Variants in MAP1B observed in about 807,000 individuals in gnomAD.
The protein encoded by MAP1B is microtubule-associated protein 1B.
In MAP1B, 12 loss-of-function variants were observed where a neutral mutation model predicts 176.1. The observed-to-expected ratio is 0.07, with a 90% confidence interval of 0.04 to 0.11. MAP1B has a LOEUF of 0.11. MAP1B is among the 10% of genes least tolerant of loss of function. The pLI, the probability that MAP1B is intolerant of heterozygous loss-of-function variation, is 1.00. For missense variants in MAP1B, 2,523 were observed against 2,990.5 expected (o/e 0.84, Z 3.65); for synonymous variants, 1,044 against 1,135.0 (o/e 0.92, Z 1.61).
At chr5:72,121,419 A>G (rs1230021712) in intron 2 of MAP1B, among the ~76,000 whole-genome samples, 3 of 152,280 alleles carry the variant, frequency 2.0e-5, no homozygotes, top group Admixed American at 1.3e-4. Context: ...CACAAAAATC[A>G]TCATAAAATG....
At chr5:72,114,016 A>G (rs1745387596) in intron 1 of MAP1B, among the ~76,000 whole-genome samples, 1 of 152,214 alleles carries the variant, frequency 6.6e-6, no homozygotes. Context: ...GAAGAGCCAT[A>G]AAATTCTCCC....
At position 72,173,818 on chromosome 5, in the gene MAP1B, C is replaced by T. The variant is rs114513840; in HGVS notation, c.287-9925C>T. On this transcript the variant is annotated intron_variant, in intron 2 of 6. Transcript: ENST00000296755. ...TGAAAAGAGAGTGGGGATCACGAGT[C>T]CTGTGGACTGGATTTAAAACCTAGT... is the stretch of plus-strand genomic sequence containing the variant. 8.3e-3 allele frequency among the ~76,000 whole-genome samples: 1,260 copies of T among 152,262 alleles called. 18 individuals carry two copies. Among genetic ancestry groups the T allele is most frequent in the African/African-American group, 0.029 (1,191 of 41,546 alleles).
chr5:72,200,366 A>G lies in MAP1B; in HGVS notation c.7011A>G (p.Ala2337=). 1 of 1,612,884 alleles carries G rather than the reference A, an allele frequency of 6.2e-7. No homozygotes were observed. Among genetic ancestry groups the G allele is most frequent in the Non-Finnish European group, 8.5e-7 (1 of 1,179,488 alleles). The change falls in exon 5 of 7, where the codon GCA becomes GCG. Residue 2337 remains alanine (A), a splice_region_variant and synonymous_variant. Coordinates refer to ENST00000296755, the MANE Select transcript of MAP1B (RefSeq NM_005909.5). ...CCAAGTCGGCCAAGACCGCCACTGC[A>G]GGTAGGTTGAGAAGGCTGGGCATTG... ...SASKSAKTAT[A]GPGTTKTTKS...
At chr5:72,120,873 C>T (rs781204151) in intron 2 of MAP1B, among the ~76,000 whole-genome samples, 7 of 152,116 alleles carry the variant, frequency 4.6e-5, no homozygotes, top group East Asian at 1.9e-4. Flanking sequence ...TGTTATTATC[C>T]GTGGGAAATA....
intron 5 of MAP1B, among the ~76,000 whole-genome samples, chr5:72,202,139 T>C (rs1197573827): frequency 6.6e-6 from 1 of 152,214 alleles, no homozygotes; most frequent in East Asian, 1.9e-4. Context: ...AAGGCAAAGT[T>C]GCAGTACTAA....
rs1746408749 is a variant in MAP1B, at chr5:72,165,383, A to G, written c.287-18360A>G. On this transcript the variant is annotated intron_variant, in intron 2 of 6. Coordinates refer to ENST00000296755, the MANE Select transcript of MAP1B (RefSeq NM_005909.5). The stretch of plus-strand genomic sequence containing the variant: ...GAATGAATGAATAGATACTTAAGTC[A>G]TAGAATATACGTCAAGTCCACAGAC... Among the ~76,000 whole-genome samples, 4 of 152,258 alleles carry G rather than the reference A, an allele frequency of 2.6e-5. No homozygotes were observed. In the South Asian group the frequency reaches 8.3e-4, roughly 32 times the overall value.
chr5:72,117,487 A>G (rs942523756), intron 2 of MAP1B, among the ~76,000 whole-genome samples: 18 of 152,224 alleles, frequency 1.2e-4, no homozygotes, highest in African/African-American at 3.4e-4. Context: ...TAGAGTGACA[A>G]CTGCATATTG....
chr5:72,201,432 G>A (rs557390739), intron 5 of MAP1B, among the ~76,000 whole-genome samples: 1 of 109,514 alleles, frequency 9.1e-6, no homozygotes, highest in East Asian at 2.2e-4. Context: ...AGGTATCCCT[G>A]ATTTTTGATC....
chr5:72,166,608 CA>C (rs909631397), intron 2 of MAP1B, among the ~76,000 whole-genome samples: 3 of 152,132 alleles, frequency 2.0e-5, no homozygotes, highest in Non-Finnish European at 2.9e-5. Context: ...TTTTTGTCTG[CA>C]GCCAGCAAGA....
At chr5:72,129,547 A>T (rs112516951) in intron 2 of MAP1B, among the ~76,000 whole-genome samples, 5 of 150,598 alleles carry the variant, frequency 3.3e-5, no homozygotes, top group African/African-American at 4.9e-5. Flanking sequence ...ACAGAGTGAG[A>T]CTCCGTCCTA....
intron 2 of MAP1B, among the ~76,000 whole-genome samples, chr5:72,141,154 G>T (rs770621714): frequency 1.3e-5 from 2 of 152,106 alleles, no homozygotes; most frequent in Admixed American, 1.3e-4. Flanking sequence ...ACCTCCTGGG[G>T]TACATGTCCA....
intron 5 of MAP1B, 93 bp from the exon 6 acceptor site, chr5:72,203,470 T>A: frequency 1.1e-6 from 1 of 880,376 alleles, no homozygotes; most frequent in Admixed American, 1.8e-5. Context: ...TGTGATTGAA[T>A]AGGGAAGGTG....
chr5:72,146,888 C>T (rs1175606052), intron 2 of MAP1B, among the ~76,000 whole-genome samples: 1 of 152,110 alleles, frequency 6.6e-6, no homozygotes, highest in Non-Finnish European at 1.5e-5. Flanking sequence ...TCAAAAGCAG[C>T]ACCTCCTTGG....
In MAP1B at chr5:72,155,827, C is replaced by T. The variant is rs560896052; in HGVS notation, c.287-27916C>T. On this transcript the variant is annotated intron_variant, in intron 2 of 6. Transcript: ENST00000296755. ...TGTTGCCCAGGCTGGAGTACAGTGG[C>T]GCAATCTCATCTTAGTGCAATCTCT... 8.4e-5 allele frequency among the ~76,000 whole-genome samples: 12 copies of T among 142,854 alleles called. No individual in the cohort carries two copies. The South Asian group carries it at 1.6e-3, about 19-fold the overall frequency. 93.7% of individuals were successfully genotyped at this position (142,854 alleles called of 152,430 possible). A position where few individuals can be genotyped will look rare whatever the true frequency, so the allele number is the denominator to read the frequency against.
intron 2 of MAP1B, among the ~76,000 whole-genome samples, chr5:72,124,901 T>C (rs1745598506): frequency 6.6e-6 from 1 of 152,184 alleles, no homozygotes; most frequent in South Asian, 2.1e-4. Context: ...GCTTTTTGGA[T>C]CCTGAAGTGT....
chr5:72,108,290 G>GC lies in MAP1B; in HGVS notation c.184+583dup, dbSNP rs1004326423. ...TCCTAGGGCCACGCCCGCTCCCCCC[G>GC]CCCCCCCCTCCCCGGGGAGATGCTG... On this transcript the variant is annotated intron_variant, in intron 1 of 6. Coordinates refer to ENST00000296755, the MANE Select transcript of MAP1B (RefSeq NM_005909.5). Among the ~76,000 whole-genome samples the GC allele has an allele frequency of 4.3e-3, 616 of 143,970 alleles. 2 individuals are homozygous for GC. The highest frequency in any genetic ancestry group is 0.01 in the African/African-American group (404 of 40,156). The allele number at this position is 143,970 out of a possible 152,430, so 94.4% of individuals were successfully genotyped here.
intron 3 of MAP1B, among the ~76,000 whole-genome samples, chr5:72,185,943 G>C (rs904002774): frequency 1.3e-5 from 2 of 152,192 alleles, no homozygotes; most frequent in African/African-American, 4.8e-5. Context: ...CTGGCTTCCT[G>C]CCACTGAAAA....
intron 2 of MAP1B, among the ~76,000 whole-genome samples, chr5:72,134,725 A>G (rs1229094065): frequency 6.6e-6 from 1 of 151,926 alleles, no homozygotes; most frequent in Non-Finnish European, 1.5e-5. Context: ...CTTTTCTTAC[A>G]AAAGCAGAAT....
At chr5:72,191,635 G>A (rs889601475) in intron 4 of MAP1B, among the ~76,000 whole-genome samples, 1 of 152,234 alleles carries the variant, frequency 6.6e-6, no homozygotes, top group Non-Finnish European at 1.5e-5. Context: ...GTCCAGCCCT[G>A]TCTCTGCATT....
Sources: allele counts gnomAD v4.1 joint callset (sites outside exome capture counted in the v4.1 genomes callset), GRCh38; gene constraint gnomAD v4.1.1; transcripts MANE v1.5; gene names NCBI Gene and HGNC (gene_info 2026-07-23, HGNC 2026-07-21).